RERE: variants seen among roughly 807,000 people sequenced by gnomAD.
RERE encodes arginine-glutamic acid dipeptide repeats, also known as arginine-glutamic acid dipeptide repeats protein.
A neutral mutation model predicts 146.1 loss-of-function variants in RERE; 40 were observed. That is an observed-to-expected ratio of 0.27 (90% CI 0.21 to 0.36). The LOEUF is 0.36. Among genes scored for constraint, RERE ranks in the 10% least tolerant of loss-of-function variants. RERE has a pLI of 1.00. For missense variants in RERE, 1,933 were observed against 2,138.7 expected, an observed-to-expected ratio of 0.90 and a Z score of 1.90; for synonymous variants, 1,003 against 866.0, an observed-to-expected ratio of 1.16 and a Z score of -2.78.
At chr1:8,616,704 C>T (rs1646856063) in intron 3 of RERE, among the ~76,000 whole-genome samples, 1 of 151,664 alleles carries the variant, frequency 6.6e-6, no homozygotes, top group Non-Finnish European at 1.5e-5. Flanking sequence ...GTCCCTTGAC[C>T]CAAGTAAATT....
At position 8,385,806 on chromosome 1, in the gene RERE, C is replaced by CA. The variant is rs1248951516; in HGVS notation, c.1285-19833dup. ...TGAAACCCCATCTCTACTAAAAATA[C>CA]AAAAAAAAAAAAATTAGCTGGACGT... On this transcript the variant is annotated intron_variant, in intron 12 of 22. Coordinates refer to ENST00000400908, the MANE Select transcript of RERE (RefSeq NM_001042681.2). Among the ~76,000 whole-genome samples the CA allele has an allele frequency of 3.6e-3, 481 of 133,014 alleles. 1 individual carries two copies. Among genetic ancestry groups the CA allele is most frequent in the South Asian group, 0.018 (75 of 4,220 alleles). The allele number at this position is 133,014 out of a possible 152,430, so 87.3% of individuals were successfully genotyped here. A position where few individuals can be genotyped will look rare whatever the true frequency, so the allele number is the denominator to read the frequency against.
intron 1 of RERE, among the ~76,000 whole-genome samples, chr1:8,664,414 A>G (rs1273498787): frequency 6.6e-6 from 1 of 151,620 alleles, no homozygotes; most frequent in Admixed American, 6.6e-5. Context: ...ATCACCAATC[A>G]GATACCAGGA....
At chr1:8,429,379 T>C (rs529601739) in intron 11 of RERE, among the ~76,000 whole-genome samples, 60 of 152,274 alleles carry the variant, frequency 3.9e-4, no homozygotes, top group East Asian at 1.9e-4. Context: ...TCCCAAGATA[T>C]TGTTTCCCAA....
chr1:8,577,200 A>T (rs1181781157), intron 4 of RERE, among the ~76,000 whole-genome samples: 1 of 151,926 alleles, frequency 6.6e-6, no homozygotes, highest in South Asian at 2.1e-4. Flanking sequence ...ATTTCATATG[A>T]CTTTTGAATT....
intron 8 of RERE, among the ~76,000 whole-genome samples, chr1:8,501,894 T>C (rs1230050157): frequency 4.0e-5 from 2 of 50,510 alleles, no homozygotes; most frequent in South Asian, 7.5e-4. Flanking sequence ...GTGGGGGGGG[T>C]CAGCCCCCCG....
chr1:8,541,607 A>G (rs1349795552), intron 6 of RERE, among the ~76,000 whole-genome samples: 2 of 152,218 alleles, frequency 1.3e-5, no homozygotes, highest in African/African-American at 2.4e-5. Flanking sequence ...ACAAAGTAGA[A>G]ATGGAGAAAA....
At chr1:8,363,915 C>T (rs563101506) in intron 15 of RERE, 141 bp downstream of exon 15, 6 of 753,958 alleles carry the variant, frequency 8.0e-6, no homozygotes, top group South Asian at 5.3e-5. Flanking sequence ...GGCAAGCTAC[C>T]GCCTCGGGCA....
chr1:8,595,873 C>T (rs1271511621), intron 4 of RERE, among the ~76,000 whole-genome samples: 2 of 152,056 alleles, frequency 1.3e-5, no homozygotes, highest in African/African-American at 2.4e-5. Flanking sequence ...TGCAAATGAC[C>T]CTCAAACCTT....
At position 8,360,557 on chromosome 1, in the gene RERE, G is replaced by A; in HGVS notation, c.2950C>T (p.His984Tyr). 2 of 819,848 alleles carry A rather than the reference G, an allele frequency of 2.4e-6. No individual in the cohort carries two copies. Among genetic ancestry groups the A allele is most frequent in the Non-Finnish European group, 3.4e-6 (2 of 592,740 alleles). The allele number at this position is 819,848 out of a possible 1,614,324, so 50.8% of individuals were successfully genotyped here. The stretch of plus-strand genomic sequence containing the variant: ...GGCATGAGTTGCAGGGGTGGGGGGT[G>A]AGCCGACGGGGGGTGATGTGTGGAC... Reference protein sequence around the residue: ...SLSTHHPPSAHPPPLQLMPQS... With the variant: ...SLSTHHPPSAYPPPLQLMPQS... The change falls in exon 18 of 23, where the codon CAC becomes TAC. Residue 984 changes from histidine (H) to tyrosine (Y), a missense_variant. Physicochemically the swap from His to Tyr is moderately conservative, Grantham distance 83 (BLOSUM62 2). Transcript: ENST00000400908.
chr1:8,654,396 G>C (rs1638220435), intron 2 of RERE, among the ~76,000 whole-genome samples: 1 of 152,120 alleles, frequency 6.6e-6, no homozygotes, highest in Non-Finnish European at 1.5e-5. Flanking sequence ...TCTGGAACTT[G>C]ACGTGAAGTT....
chr1:8,585,005 CAGGTGTGGTGG>C (rs1342989388), intron 4 of RERE, among the ~76,000 whole-genome samples: 1 of 151,920 alleles, frequency 6.6e-6, no homozygotes, highest in Non-Finnish European at 1.5e-5. Context: ...AAAAATTAGC[CAGGTGTGGTGG>C]CATATGCCTG....
At chr1:8,429,130 G>C (rs1049471478) in intron 11 of RERE, among the ~76,000 whole-genome samples, 4 of 152,192 alleles carry the variant, frequency 2.6e-5, no homozygotes, top group African/African-American at 4.8e-5. Context: ...CTGTCTTAAA[G>C]GCTCTAATGC....
intron 11 of RERE, among the ~76,000 whole-genome samples, chr1:8,456,834 C>T (rs1056080814): frequency 2.6e-5 from 4 of 152,190 alleles, no homozygotes; most frequent in African/African-American, 9.6e-5. Flanking sequence ...GGTCTTTACT[C>T]AAAAGTGAAC....
intron 4 of RERE, among the ~76,000 whole-genome samples, chr1:8,569,513 T>C (rs1234079739): frequency 6.6e-6 from 1 of 152,186 alleles, no homozygotes; most frequent in Non-Finnish European, 1.5e-5. Context: ...ATCACATTAT[T>C]TTATAAGTAA....
chr1:8,787,756 T>C (rs898284117), intron 1 of RERE, among the ~76,000 whole-genome samples: 1 of 147,870 alleles, frequency 6.8e-6, no homozygotes, highest in Non-Finnish European at 1.5e-5. Flanking sequence ...GCTTGAATAC[T>C]GGTAGCAGAG....
At chr1:8,726,160 T>TTTTTTTTTTTTTTTA (rs1557505617) in intron 1 of RERE, among the ~76,000 whole-genome samples, 7 of 129,678 alleles carry the variant, frequency 5.4e-5, no homozygotes, top group African/African-American at 1.9e-4. Context: ...TTTTTTTTTT[T>TTTTTTTTTTTTTTTA]TTTTTTTTTT....
At chr1:8,724,629 G>A (rs1222103467) in intron 1 of RERE, among the ~76,000 whole-genome samples, 1 of 151,732 alleles carries the variant, frequency 6.6e-6, no homozygotes, top group African/African-American at 2.4e-5. Context: ...GGCAGATCAC[G>A]AGCTCAGGAG....
intron 1 of RERE, among the ~76,000 whole-genome samples, chr1:8,725,482 C>T (rs1048779548): frequency 6.6e-6 from 1 of 152,160 alleles, no homozygotes; most frequent in African/African-American, 2.4e-5. Context: ...AGGAGAATTG[C>T]TTGAACCCGG....
intron 4 of RERE, among the ~76,000 whole-genome samples, chr1:8,568,375 G>A (rs1646177442): frequency 6.6e-6 from 1 of 152,170 alleles, no homozygotes; most frequent in Non-Finnish European, 1.5e-5. Context: ...TCTCCAGCTT[G>A]CAGATGGCCT....
Sources: gnomAD v4.1 joint callset for allele counts (sites outside exome capture counted in the v4.1 genomes callset) on GRCh38, gnomAD v4.1.1 for gene constraint, MANE v1.5 for transcripts, NCBI Gene and HGNC (gene_info 2026-07-23, HGNC 2026-07-21) for gene names.